The following DNAJC13 variants were observed in gnomAD, a reference collection of about 807,000 sequenced individuals.
The protein encoded by DNAJC13 is dnaJ homolog subfamily C member 13.
In DNAJC13, 75 loss-of-function variants were observed where a neutral mutation model predicts 290.5. That is an observed-to-expected ratio of 0.26 (90% CI 0.21 to 0.31). The LOEUF (loss-of-function observed/expected upper bound fraction) is 0.31. Ranked by LOEUF, DNAJC13 falls within the 10% of genes least tolerant of loss-of-function variation. The probability of loss-of-function intolerance (pLI) is 1.00; values close to 1 mark genes in which losing one functional copy is unlikely to be tolerated. For missense variants in DNAJC13, 2,260 were observed against 2,674.5 expected, an observed-to-expected ratio of 0.85 and a Z score of 3.42; for synonymous variants, 862 against 892.0, an observed-to-expected ratio of 0.97 and a Z score of 0.60.
chr3:132,450,567 A>G lies in DNAJC13; in HGVS notation c.337-80A>G, dbSNP rs540895718. On this transcript the variant is annotated intron_variant, in intron 5 of 55. Transcript: ENST00000260818. ...GACAGTTAGATTTTTGGTCGTTTCA[A>G]TAGTGACTGTGATACATTAAATTTT... 120 of 1,042,046 alleles carry G rather than the reference A, an allele frequency of 1.2e-4. No individual in the cohort carries two copies. The African/African-American group carries it at 1.7e-3, about 15-fold the overall frequency. The allele number at this position is 1,042,046 out of a possible 1,614,324, so 64.5% of individuals were successfully genotyped here.
chr3:132,451,584 G>A (rs574626232), intron 6 of DNAJC13, among the ~76,000 whole-genome samples: 1 of 152,068 alleles, frequency 6.6e-6, no homozygotes, highest in Non-Finnish European at 1.5e-5. Flanking sequence ...TCTCAAAGAT[G>A]TGCGGTAGAG....
At chr3:132,436,789 T>A (rs1422940692) in intron 2 of DNAJC13, among the ~76,000 whole-genome samples, 6 of 152,206 alleles carry the variant, frequency 3.9e-5, no homozygotes, top group African/African-American at 1.4e-4. Context: ...GGGTATCTTT[T>A]CTTGTGTTTG....
chr3:132,454,233 A>G, intron 9 of DNAJC13, 76 bp downstream of exon 9: 1 of 976,032 alleles, frequency 1.0e-6, no homozygotes. Context: ...AAAACCAAAG[A>G]TATGTAGTCT....
chr3:132,537,244 T>C (rs1439139740), intron 55 of DNAJC13: 1 of 456,166 alleles, frequency 2.2e-6, no homozygotes, highest in East Asian at 6.9e-5. Context: ...GCTTGCTAAC[T>C]TCTGTGTAGC....
At chr3:132,475,867 C>T (rs756110433) in intron 22 of DNAJC13, among the ~76,000 whole-genome samples, 3 of 152,090 alleles carry the variant, frequency 2.0e-5, no homozygotes, top group Non-Finnish European at 2.9e-5. Flanking sequence ...TCTTTGACCT[C>T]GTTCATTTTT....
Position 132,514,630 on chromosome 3 carries a change from T to G in DNAJC13, c.5445T>G (p.Val1815=). ...DCVNNIAESM[V]LSSLLALLHS... is the part of the protein sequence containing the mutation. Reference sequence around the variant, plus strand: ...TCAACAATATTGCTGAATCAATGGTTTTGTCCAGTTTATTGGCTCTTCTAC... The same window carrying G: ...TCAACAATATTGCTGAATCAATGGTGTTGTCCAGTTTATTGGCTCTTCTAC... Residue 1815 remains valine, a synonymous_variant, in exon 46 of 56, where the codon GTT becomes GTG. Transcript: ENST00000260818. 6.2e-7 allele frequency: 1 copy of G among 1,612,028 alleles called. No individual in the cohort carries two copies. Among genetic ancestry groups the G allele is most frequent in the Non-Finnish European group, 8.5e-7 (1 of 1,178,992 alleles).
intron 13 of DNAJC13, chr3:132,458,398 T>C (rs1284323488): frequency 6.6e-6 from 1 of 152,172 alleles, no homozygotes; most frequent in Non-Finnish European, 1.5e-5. Context: ...GTGAGATAAC[T>C]AGAACTTAAC....
intron 17 of DNAJC13, among the ~76,000 whole-genome samples, chr3:132,465,189 A>C (rs905142004): frequency 6.6e-6 from 1 of 152,122 alleles, no homozygotes; most frequent in Admixed American, 6.5e-5. Flanking sequence ...TTTTGCAGTT[A>C]AATTTTGTTC....
chr3:132,499,884 C>A, intron 38 of DNAJC13, 76 bp downstream of exon 38: 1 of 1,343,000 alleles, frequency 7.4e-7, no homozygotes. Context: ...TGAGAATCAA[C>A]TGGAGGGCTC....
intron 39 of DNAJC13, 45 bp from the exon 40 acceptor site, chr3:132,502,244 T>G: frequency 6.9e-7 from 1 of 1,457,148 alleles, no homozygotes. Context: ...TTTTTTTTTT[T>G]TTTTAACTCT....
intron 20 of DNAJC13, among the ~76,000 whole-genome samples, chr3:132,472,266 T>G (rs1047666721): frequency 6.6e-6 from 1 of 152,214 alleles, no homozygotes; most frequent in Non-Finnish European, 1.5e-5. Context: ...GCAGAGATTC[T>G]TAACCTCTGG....
At chr3:132,443,390 T>G (rs191705033) in intron 2 of DNAJC13, among the ~76,000 whole-genome samples, 1 of 152,304 alleles carries the variant, frequency 6.6e-6, no homozygotes, top group East Asian at 1.9e-4. Context: ...TGACCTCAAG[T>G]GATCCTCCTG....
chr3:132,475,996 C>T (rs1934459599), intron 22 of DNAJC13, among the ~76,000 whole-genome samples: 1 of 152,008 alleles, frequency 6.6e-6, no homozygotes. Context: ...TGCAGTGGTG[C>T]CATCTTTGCT....
chr3:132,489,027 C>G lies in DNAJC13; in HGVS notation c.3468+6C>G. 1 of 1,608,978 alleles carries G rather than the reference C, an allele frequency of 6.2e-7. No individual in the cohort carries two copies. The highest frequency in any genetic ancestry group is 8.5e-7 in the Non-Finnish European group (1 of 1,176,046). Reference sequence around the variant, plus strand: ...AGGCTTTCAAGTCAGAAGAGGTAAGCCAGGTTAATCCTCTGAATACTTAAC... The same window carrying G: ...AGGCTTTCAAGTCAGAAGAGGTAAGGCAGGTTAATCCTCTGAATACTTAAC... On this transcript the variant is annotated splice_donor_region_variant and intron_variant, in intron 31 of 55. Transcript: ENST00000260818.
chr3:132,483,424 G>C lies in DNAJC13; in HGVS notation c.3029G>C (p.Trp1010Ser), dbSNP rs1311431599. The C allele has an allele frequency of 6.2e-7, 1 of 1,613,974 alleles. No homozygotes were observed. Among genetic ancestry groups the C allele is most frequent in the African/African-American group, 1.3e-5 (1 of 74,898 alleles). ...KGMLNAKTRC[W>S]AQGMDGWRPL... Reference sequence around the variant, plus strand: ...ATGTTAAATGCAAAAACCAGATGCTGGGCTCAAGGCATGGATGGATGGCGA... The same window carrying C: ...ATGTTAAATGCAAAAACCAGATGCTCGGCTCAAGGCATGGATGGATGGCGA... Residue 1010 changes from tryptophan to serine, a missense_variant, in exon 28 of 56, where the codon TGG becomes TCG. Physicochemically the swap from Trp to Ser is radical, Grantham distance 177 (BLOSUM62 -3). Around this residue, in one of 3 missense-constraint regions of DNAJC13, gnomAD observed 1,494 missense variants for 1,693.7 expected, o/e 0.88. Coordinates refer to ENST00000260818, the MANE Select transcript of DNAJC13 (RefSeq NM_015268.4).
At chr3:132,455,860 G>T (rs1933580867) in intron 9 of DNAJC13, among the ~76,000 whole-genome samples, 1 of 152,142 alleles carries the variant, frequency 6.6e-6, no homozygotes, top group Admixed American at 6.5e-5. Context: ...AAATTTTTTG[G>T]AGTGATGAAA....
In DNAJC13 at chr3:132,439,193, G is replaced by A. The variant is rs550658674; in HGVS notation, c.68+4575G>A. ...CAGGATTTTCACCTCAATGCATTAG[G>A]ATATGTAATGATCAGTCTATGAAAT... On this transcript the variant is annotated intron_variant, in intron 2 of 55. Transcript: ENST00000260818. 2.6e-5 allele frequency among the ~76,000 whole-genome samples: 4 copies of A among 152,236 alleles called. No homozygotes were observed. In the South Asian group the frequency reaches 8.3e-4, roughly 32 times the overall value.
intron 13 of DNAJC13, chr3:132,457,716 T>TTA (rs1933659130): frequency 6.0e-6 from 1 of 167,006 alleles, no homozygotes; most frequent in Non-Finnish European, 1.3e-5. Flanking sequence ...TCTCACCCAG[T>TTA]CTTTCTGGAA....
chr3:132,460,208 A>G, intron 13 of DNAJC13, 42 bp from the exon 14 acceptor site: 1 of 1,329,416 alleles, frequency 7.5e-7, no homozygotes, highest in Non-Finnish European at 1.1e-6. Context: ...AGCACATGGG[A>G]CTGCTTATGA....
Sources: gnomAD v4.1 joint callset for allele counts (sites outside exome capture counted in the v4.1 genomes callset) on GRCh38, gnomAD v4.1.1 for gene constraint, gnomAD v4.1.1 regional missense constraint, MANE v1.5 for transcripts, NCBI Gene and HGNC (gene_info 2026-07-23, HGNC 2026-07-21) for gene names.